The following ATXN7 variants were observed in gnomAD, a reference collection of about 807,000 sequenced individuals.
ATXN7 encodes ataxin-7.
A neutral mutation model predicts 70.5 loss-of-function variants in ATXN7; 12 were observed. That is an observed-to-expected ratio of 0.17 (90% CI 0.11 to 0.28). The LOEUF (loss-of-function observed/expected upper bound fraction) is 0.28, where lower values mean the gene tolerates loss of function less well. ATXN7 is among the 10% of genes least tolerant of loss of function. ATXN7 has a pLI of 1.00. For synonymous variants in ATXN7, 498 were observed against 448.7 expected, an observed-to-expected ratio of 1.11 and a Z score of -1.39; for missense variants, 1,256 against 1,131.7, an observed-to-expected ratio of 1.11 and a Z score of -1.58.
chr3:63,990,396 G>A (rs187414760), intron 10 of ATXN7, 22 bp downstream of exon 10: 28 of 1,613,520 alleles, frequency 1.7e-5, no homozygotes, highest in Middle Eastern at 1.7e-4. Context: ...GTCCACCCCC[G>A]CGTTGACCCT....
Position 63,912,752 on chromosome 3 carries a change from C to A in ATXN7, c.154C>A (p.Pro52Thr). The change falls in exon 3 of 13, where the codon CCA becomes ACA. Residue 52 changes from proline to threonine, a missense_variant. Transcript: ENST00000674280. The stretch of plus-strand genomic sequence containing the variant: ...GCAGCCCCAGCGGCAGCAGCACCCG[C>A]CACCGCCGCCACGGCGCACACGGCC... ...PPQPQRQQHP[P>T]PPPRRTRPED... 7.6e-7 allele frequency: 1 copy of A among 1,311,970 alleles called. No homozygotes were observed. The allele number at this position is 1,311,970 out of a possible 1,614,324, so 81.3% of individuals were successfully genotyped here.
At chr3:63,949,477 C>G (rs749625795) in intron 4 of ATXN7, among the ~76,000 whole-genome samples, 2 of 152,140 alleles carry the variant, frequency 1.3e-5, no homozygotes, top group Non-Finnish European at 2.9e-5. Context: ...TGGCTCATGG[C>G]AACCTCCACC....
intron 1 of ATXN7, among the ~76,000 whole-genome samples, chr3:63,884,653 T>C (rs1346137291): frequency 3.3e-5 from 5 of 151,784 alleles, no homozygotes; most frequent in Non-Finnish European, 7.4e-5. Flanking sequence ...TTTTTCTTTC[T>C]TATTTTTTTG....
intron 1 of ATXN7, among the ~76,000 whole-genome samples, chr3:63,865,979 C>G (rs1702413146): frequency 7.2e-6 from 1 of 139,410 alleles, no homozygotes; most frequent in African/African-American, 2.7e-5. Context: ...TTAATCTTAT[C>G]ATAATACTGA....
chr3:63,940,059 A>G (rs570452855), intron 4 of ATXN7, among the ~76,000 whole-genome samples: 2 of 152,212 alleles, frequency 1.3e-5, no homozygotes, highest in Non-Finnish European at 2.9e-5. Flanking sequence ...AAAAGTAAAT[A>G]GGAAACACTG....
chr3:63,927,862 T>C, intron 4 of ATXN7, among the ~76,000 whole-genome samples: 1 of 152,198 alleles, frequency 6.6e-6, no homozygotes, highest in East Asian at 1.9e-4. Flanking sequence ...GCCCCATGTC[T>C]GGTGAGCTTT....
chr3:63,948,635 AC>A (rs905849673), intron 4 of ATXN7, among the ~76,000 whole-genome samples: 3 of 152,342 alleles, frequency 2.0e-5, no homozygotes, highest in African/African-American at 7.2e-5. Flanking sequence ...CAAAGTAAAT[AC>A]ATTCACCACA....
In ATXN7 at chr3:63,995,886, C is replaced by T; in HGVS notation, c.2064C>T (p.Asn688=). 1.9e-6 allele frequency: 3 copies of T among 1,614,218 alleles called. No homozygotes were observed. Among genetic ancestry groups the T allele is most frequent in the Non-Finnish European group, 2.5e-6 (3 of 1,180,040 alleles). The change falls in exon 12 of 13, where the codon AAC becomes AAT. Residue 688 remains asparagine, a synonymous_variant. Transcript: ENST00000674280. The part of the protein sequence containing the change: ...KSLRPKESSG[N]STNCQNASSS... ...TGAGGCCCAAGGAGTCTTCTGGTAA[C>T]AGCACTAACTGTCAAAATGCCAGTA... is the stretch of plus-strand genomic sequence containing the variant.
intron 6 of ATXN7, among the ~76,000 whole-genome samples, chr3:63,981,091 T>C (rs2075479417): frequency 6.6e-6 from 1 of 152,194 alleles, no homozygotes; most frequent in African/African-American, 2.4e-5. Context: ...GCACACATCG[T>C]AGGTCCAAGA....
intron 1 of ATXN7, among the ~76,000 whole-genome samples, chr3:63,895,224 C>T (rs968716304): frequency 2.0e-5 from 3 of 152,190 alleles, no homozygotes; most frequent in African/African-American, 4.8e-5. Flanking sequence ...TTTTGACACA[C>T]TGGATGACAT....
intron 1 of ATXN7, chr3:63,864,953 G>A (rs1702362840): frequency 6.6e-6 from 1 of 152,180 alleles, no homozygotes. Context: ...GACCTCCAGT[G>A]GGATAGATAC....
chr3:63,983,147 G>C, intron 8 of ATXN7, 126 bp downstream of exon 8: 1 of 761,058 alleles, frequency 1.3e-6, no homozygotes, highest in South Asian at 1.6e-5. Context: ...GAATTGTGTA[G>C]GTGAAGGAAT....
intron 1 of ATXN7, among the ~76,000 whole-genome samples, chr3:63,869,384 C>G (rs1702532657): frequency 6.6e-6 from 1 of 152,168 alleles, no homozygotes; most frequent in East Asian, 1.9e-4. Context: ...CAGTTACATT[C>G]TCATCTTTAG....
chr3:63,900,339 A>C (rs1465742119), intron 2 of ATXN7, among the ~76,000 whole-genome samples: 2 of 152,218 alleles, frequency 1.3e-5, no homozygotes, highest in Non-Finnish European at 1.5e-5. Flanking sequence ...AAAAGATAAT[A>C]TTTTTACCAT....
chr3:63,942,398 T>C (rs1333414712), intron 4 of ATXN7, among the ~76,000 whole-genome samples: 1 of 152,206 alleles, frequency 6.6e-6, no homozygotes, highest in African/African-American at 2.4e-5. Flanking sequence ...CTTAGCATTG[T>C]ACGTGGAACA....
At chr3:63,897,677 GACA>G (rs1703486904) in intron 1 of ATXN7, among the ~76,000 whole-genome samples, 1 of 152,148 alleles carries the variant, frequency 6.6e-6, no homozygotes, top group Admixed American at 6.5e-5. Context: ...TTTATACCTT[GACA>G]ACATCTGCCC....
intron 4 of ATXN7, among the ~76,000 whole-genome samples, chr3:63,946,116 T>G (rs1052856493): frequency 6.6e-6 from 1 of 152,190 alleles, no homozygotes; most frequent in Non-Finnish European, 1.5e-5. Flanking sequence ...GGTATTGTGC[T>G]AGGCAAGGCA....
At chr3:63,958,997 G>C (rs73834151) in intron 5 of ATXN7, among the ~76,000 whole-genome samples, 1 of 152,338 alleles carries the variant, frequency 6.6e-6, no homozygotes, top group African/African-American at 2.4e-5. Flanking sequence ...AGCTGAAGTA[G>C]AATTTTAAGT....
chr3:63,918,642 C>A (rs2107312806), intron 4 of ATXN7, among the ~76,000 whole-genome samples: 1 of 152,244 alleles, frequency 6.6e-6, no homozygotes, highest in African/African-American at 2.4e-5. Flanking sequence ...TTATTTCCTG[C>A]AAAATGGAGG....
Sources: gnomAD v4.1 joint callset for allele counts (sites outside exome capture counted in the v4.1 genomes callset) on GRCh38, gnomAD v4.1.1 for gene constraint, MANE v1.5 for transcripts, NCBI Gene and HGNC (gene_info 2026-07-23, HGNC 2026-07-21) for gene names.